GLG1: variants seen among roughly 807,000 people sequenced by gnomAD.
GLG1 encodes Golgi apparatus protein 1.
In GLG1, 38 loss-of-function variants were observed where a neutral mutation model predicts 160.5. The ratio of observed to expected loss-of-function variants is 0.24; its 90% CI spans 0.18 to 0.31. The LOEUF is 0.31. GLG1 is among the 10% of genes least tolerant of loss of function. The pLI, the probability that GLG1 is intolerant of heterozygous loss-of-function variation, is 1.00. For synonymous variants in GLG1, 644 were observed against 543.4 expected, an observed-to-expected ratio of 1.19 and a Z score of -2.57; for missense variants, 1,373 against 1,505.2, an observed-to-expected ratio of 0.91 and a Z score of 1.45.
At chr16:74,553,472 T>G (rs1422164343) in intron 1 of GLG1, among the ~76,000 whole-genome samples, 3 of 34,754 alleles carry the variant, frequency 8.6e-5, no homozygotes, top group East Asian at 7.7e-3. Flanking sequence ...TGTTTCGGTT[T>G]TTTTTTTTTT....
At chr16:74,528,879 G>C (rs1224602222) in intron 2 of GLG1, among the ~76,000 whole-genome samples, 2 of 146,318 alleles carry the variant, frequency 1.4e-5, no homozygotes, top group Non-Finnish European at 3.0e-5. Flanking sequence ...CACTAAGTTC[G>C]TTGAATTTAT....
chr16:74,594,838 C>A (rs1441016222), intron 1 of GLG1, among the ~76,000 whole-genome samples: 2 of 152,082 alleles, frequency 1.3e-5, no homozygotes, highest in African/African-American at 4.8e-5. Context: ...GGGGTAAATC[C>A]TCTGGGTAAA....
rs2015554457 is a variant in GLG1, at chr16:74,480,350, C to T, written c.1718G>A (p.Arg573His). Residue 573 changes from arginine to histidine, a missense_variant, in exon 11 of 26, where the codon CGT becomes CAT. Physicochemically the swap from Arg to His is conservative, Grantham distance 29 (BLOSUM62 0). Around this residue, in one of 4 missense-constraint regions of GLG1, gnomAD observed 386 missense variants for 388.5 expected, o/e 0.99. Coordinates refer to ENST00000422840, the MANE Select transcript of GLG1 (RefSeq NM_001145667.2). ...LYRKCQGDASRLCHTHGWNET... is the reference protein window; with the variant it reads ...LYRKCQGDASHLCHTHGWNET... Reference sequence around the variant, plus strand: ...ATTCCAACCGTGGGTGTGGCAAAGACGAGAAGCGTCTCCCTGGCACTTGCG... The same window carrying T: ...ATTCCAACCGTGGGTGTGGCAAAGATGAGAAGCGTCTCCCTGGCACTTGCG... The T allele has an allele frequency of 7.4e-6, 12 of 1,613,678 alleles. No individual in the cohort carries two copies. The highest frequency in any genetic ancestry group is 1.1e-5 in the South Asian group (1 of 91,062).
chr16:74,602,139 G>C (rs1958452970), intron 1 of GLG1, among the ~76,000 whole-genome samples: 2 of 151,992 alleles, frequency 1.3e-5, no homozygotes, highest in Non-Finnish European at 2.9e-5. Context: ...GTCTAAAAGG[G>C]GGTTTATGGT....
intron 8 of GLG1, 99 bp from the exon 9 acceptor site, chr16:74,486,016 A>G: frequency 1.2e-6 from 1 of 856,946 alleles, no homozygotes; most frequent in Non-Finnish European, 1.8e-6. Context: ...TATTTACCAC[A>G]ATGTACTCCA....
chr16:74,540,153 T>C (rs13338148), intron 1 of GLG1, among the ~76,000 whole-genome samples: 473 of 1,624 alleles, frequency 0.29, 218 homozygotes, highest in East Asian at 0.83. Flanking sequence ...ATTATATATA[T>C]ATAGCAATTT....
intron 18 of GLG1, among the ~76,000 whole-genome samples, chr16:74,467,046 T>C (rs768737381): frequency 6.6e-6 from 1 of 152,150 alleles, no homozygotes; most frequent in African/African-American, 2.4e-5. Flanking sequence ...ACAAAAACCA[T>C]ACCTAACCAC....
At position 74,531,162 on chromosome 16, in the gene GLG1, C is replaced by A. The variant is rs539018824; in HGVS notation, c.471+959G>T. On this transcript the variant is annotated intron_variant, in intron 2 of 25. Transcript: ENST00000422840. ...TCTTCTAGTTTTATTTTGTACTTGACTTACCTAGGTTTTCGTAAGAGTAAG... is the reference window on the plus strand; with the variant it reads ...TCTTCTAGTTTTATTTTGTACTTGAATTACCTAGGTTTTCGTAAGAGTAAG... Among the ~76,000 whole-genome samples the A allele has an allele frequency of 1.4e-3, 214 of 152,188 alleles. 1 individual carries two copies. The highest frequency in any genetic ancestry group is 4.6e-3 in the Admixed American group (71 of 15,276).
chr16:74,570,117 C>G (rs566192143), intron 1 of GLG1, among the ~76,000 whole-genome samples: 209 of 151,358 alleles, frequency 1.4e-3, no homozygotes, highest in African/African-American at 4.8e-3. Flanking sequence ...TCCATAATTA[C>G]AAAATATTTT....
chr16:74,582,070 T>G (rs1427002199), intron 1 of GLG1, among the ~76,000 whole-genome samples: 1 of 152,348 alleles, frequency 6.6e-6, no homozygotes, highest in Non-Finnish European at 1.5e-5. Context: ...TCTCTACTGG[T>G]TCCCTGTTTC....
Position 74,465,817 on chromosome 16 carries a change from T to C in GLG1, c.2530-4A>G, listed in dbSNP as rs372775351. On this transcript the variant is annotated splice_region_variant and splice_polypyrimidine_tract_variant and intron_variant, in intron 18 of 25. Transcript: ENST00000422840. ...TTTCTTTCAGACATTCGATAATCTA[T>C]GGCAAAAGAGTTATAGTCAAGTTGA... The C allele has an allele frequency of 1.5e-5, 25 of 1,613,324 alleles. No homozygotes were observed. Among genetic ancestry groups the C allele is most frequent in the African/African-American group, 6.7e-5 (5 of 74,880 alleles).
intron 1 of GLG1, among the ~76,000 whole-genome samples, chr16:74,550,997 A>G (rs1056593408): frequency 5.9e-5 from 9 of 152,172 alleles, no homozygotes; most frequent in African/African-American, 1.4e-4. Flanking sequence ...AACCCTGGAA[A>G]TATTCATGTT....
At chr16:74,498,752 C>A (rs1189447139) in intron 4 of GLG1, among the ~76,000 whole-genome samples, 1 of 147,186 alleles carries the variant, frequency 6.8e-6, no homozygotes. Context: ...ATAACCCCAG[C>A]TACTCAGGAA....
In GLG1 at chr16:74,544,127, A is replaced by G. The variant is rs1387493425; in HGVS notation, c.439-11974T>C. On this transcript the variant is annotated intron_variant, in intron 1 of 25. Transcript: ENST00000422840. ...TGGTTGAAAATGTATTAGCTCCCTA[A>G]TAAAGAATGTTCATCTCCATTAACG... Among the ~76,000 whole-genome samples, 3 of 152,326 alleles carry G rather than the reference A, an allele frequency of 2.0e-5. No individual in the cohort carries two copies. The East Asian group carries it at 5.8e-4, about 29-fold the overall frequency.
intron 13 of GLG1, chr16:74,473,074 A>G (rs1026172543): frequency 6.5e-6 from 1 of 153,864 alleles, no homozygotes; most frequent in Non-Finnish European, 1.4e-5. Context: ...CAAATAGAGT[A>G]CTAAAAGGTT....
At chr16:74,534,479 T>C (rs2017632854) in intron 1 of GLG1, among the ~76,000 whole-genome samples, 1 of 152,242 alleles carries the variant, frequency 6.6e-6, no homozygotes, top group South Asian at 2.1e-4. Context: ...CAAATTTGGA[T>C]TAAAGGTGCA....
intron 18 of GLG1, 24 bp downstream of exon 18, chr16:74,467,732 T>A: frequency 7.0e-7 from 1 of 1,435,384 alleles, no homozygotes; most frequent in Non-Finnish European, 9.8e-7. Context: ...CTTTTACAAT[T>A]ACAAAAGAAA....
intron 12 of GLG1, among the ~76,000 whole-genome samples, chr16:74,475,509 C>T (rs1406448183): frequency 6.6e-6 from 1 of 152,206 alleles, no homozygotes; most frequent in African/African-American, 2.4e-5. Flanking sequence ...TGAAGAAAAA[C>T]AAGTGAACAC....
chr16:74,569,919 A>G (rs2018778633), intron 1 of GLG1, among the ~76,000 whole-genome samples: 1 of 151,232 alleles, frequency 6.6e-6, no homozygotes, highest in Non-Finnish European at 1.5e-5. Flanking sequence ...GCAATGGCTC[A>G]CACCTGTAAT....
Sources: allele counts gnomAD v4.1 joint callset (sites outside exome capture counted in the v4.1 genomes callset), GRCh38; gene constraint gnomAD v4.1.1; regional missense constraint gnomAD v4.1.1; transcripts MANE v1.5; gene names NCBI Gene and HGNC (gene_info 2026-07-23, HGNC 2026-07-21).